The following DLX1 variants were observed in gnomAD, a reference collection of about 807,000 sequenced individuals.
The protein encoded by DLX1 is homeobox protein DLX-1.
DLX1 carries 7 observed loss-of-function variants against 25.0 expected under a neutral mutation model. The ratio of observed to expected loss-of-function variants is 0.28; its 90% CI spans 0.16 to 0.52. The LOEUF (loss-of-function observed/expected upper bound fraction) is 0.52. DLX1 is among the 20% of genes least tolerant of loss of function. The probability of loss-of-function intolerance (pLI) is 0.96; values close to 1 mark genes in which losing one functional copy is unlikely to be tolerated. For synonymous variants in DLX1, 155 were observed against 140.3 expected (o/e 1.10, Z -0.74); for missense variants, 233 against 334.4 (o/e 0.70, Z 2.37).
Position 172,085,772 on chromosome 2 carries a change from C to A in DLX1, c.95C>A (p.Pro32His). The A allele has an allele frequency of 6.2e-7, 1 of 1,614,204 alleles. No homozygotes were observed. The highest frequency in any genetic ancestry group is 1.6e-4 in the Middle Eastern group (1 of 6,062). Residue 32 changes from proline (P) to histidine (H), a missense_variant, in exon 1 of 3, where the codon CCT (proline) becomes CAT (histidine). Pro to His is a moderately conservative substitution (Grantham distance 77, BLOSUM62 -2). Coordinates refer to ENST00000361725, the MANE Select transcript of DLX1 (RefSeq NM_178120.5). The surrounding 1 kb of genome is among the most constrained non-coding windows in gnomAD (Gnocchi z 4.3). ...EFGPPNQQMS[P>H]SPMSHGHYSM... ...GGGCCGCCCAACCAGCAAATGTCTC[C>A]TTCTCCCATGTCCCACGGGCACTAC...
At position 172,088,285 on chromosome 2, in the gene DLX1, C is replaced by T; in HGVS notation, c.*28C>T. The T allele has an allele frequency of 2.1e-6, 3 of 1,433,930 alleles. No homozygotes were observed. The highest frequency in any genetic ancestry group is 2.8e-6 in the Non-Finnish European group (3 of 1,084,746). 88.8% of individuals were successfully genotyped at this position (1,433,930 alleles called of 1,614,324 possible). ...TTGCCCGCCCGTCTCCTTCTTGTCT[C>T]CCCGGCCCAGGTCCCTCCCGCCTCC... On this transcript the variant is annotated 3_prime_UTR_variant, in exon 3 of 3. Coordinates refer to ENST00000361725, the MANE Select transcript of DLX1 (RefSeq NM_178120.5).
chr2:172,086,676 G>A lies in DLX1; in HGVS notation c.336G>A (p.Thr112=). Residue 112 remains threonine, a synonymous_variant, in exon 2 of 3, where the codon ACG becomes ACA. Coordinates refer to ENST00000361725, the MANE Select transcript of DLX1 (RefSeq NM_178120.5). Reference sequence around the variant, plus strand: ...CAGGGGCGGACTCGGAGAAGAGCACGGTGGTGGAAGGCGGTGAAGTGCGCT... The same window carrying A: ...CAGGGGCGGACTCGGAGAAGAGCACAGTGGTGGAAGGCGGTGAAGTGCGCT... ...EDPGADSEKS[T]VVEGGEVRFN... is the part of the protein sequence containing the mutation. The A allele has an allele frequency of 1.3e-6, 2 of 1,546,228 alleles. No individual in the cohort carries two copies. Among genetic ancestry groups the A allele is most frequent in the Non-Finnish European group, 1.7e-6 (2 of 1,145,304 alleles).
Position 172,086,745 on chromosome 2 carries a change from T to A in DLX1, c.405T>A (p.Tyr135Ter). Residue 135 changes from tyrosine (Y) to a stop codon, truncating the protein, a stop_gained, in exon 2 of 3, where the codon TAT (tyrosine) becomes TAA (stop). Transcript: ENST00000361725. LOFTEE classifies it high-confidence loss of function. Reference sequence around the variant, plus strand: ...AGATCCGTAAACCCAGGACGATTTATTCCAGTTTGCAGTTGCAGGCTTTGA... The same window carrying A: ...AGATCCGTAAACCCAGGACGATTTAATCCAGTTTGCAGTTGCAGGCTTTGA... ...GKKIRKPRTI[Y>*]SSLQLQALNR... is the part of the protein sequence containing the mutation. 6.2e-7 allele frequency: 1 copy of A among 1,608,114 alleles called. No individual in the cohort carries two copies. Among genetic ancestry groups the A allele is most frequent in the East Asian group, 2.2e-5 (1 of 44,776 alleles).
chr2:172,086,656 G>C lies in DLX1; in HGVS notation c.316G>C (p.Ala106Pro), dbSNP rs756053801. The change falls in exon 2 of 3, where the codon GCG becomes CCG. Residue 106 changes from alanine to proline, a missense_variant and splice_region_variant. Transcript: ENST00000361725. Reference protein sequence around the residue: ...LAQSRLEDPGADSEKSTVVEG... With the variant: ...LAQSRLEDPGPDSEKSTVVEG... ...CCCTACTTCTGCTGTCCCTCCAGGGGCGGACTCGGAGAAGAGCACGGTGGT... is the reference window on the plus strand; with the variant it reads ...CCCTACTTCTGCTGTCCCTCCAGGGCCGGACTCGGAGAAGAGCACGGTGGT... 7 of 1,530,372 alleles carry C rather than the reference G, an allele frequency of 4.6e-6. No homozygotes were observed. The highest frequency in any genetic ancestry group is 1.8e-4 in the Middle Eastern group (1 of 5,666). The allele number at this position is 1,530,372 out of a possible 1,614,324, so 94.8% of individuals were successfully genotyped here.
At chr2:172,087,977 A>G in intron 2 of DLX1, 26 bp from the exon 3 acceptor site, 1 of 1,504,276 alleles carries the variant, frequency 6.6e-7, no homozygotes, top group Non-Finnish European at 8.9e-7. Context: ...TCCCAGCCTG[A>G]GTCACGTTGT....
intron 1 of DLX1, 119 bp from the exon 2 acceptor site, chr2:172,086,535 T>G (rs899066864): frequency 8.1e-5 from 83 of 1,023,272 alleles, no homozygotes; most frequent in Non-Finnish European, 2.5e-5. Context: ...CAGAGTTTCT[T>G]GAACGTTCTC....
chr2:172,086,479 G>A, intron 1 of DLX1, 175 bp from the exon 2 acceptor site: 1 of 618,978 alleles, frequency 1.6e-6, no homozygotes, highest in Non-Finnish European at 2.7e-6. Flanking sequence ...CTCCTGCAGC[G>A]TCCCGGGACA....
At chr2:172,087,023 C>G in intron 2 of DLX1, 170 bp downstream of exon 2, 1 of 762,430 alleles carries the variant, frequency 1.3e-6, no homozygotes, top group East Asian at 2.7e-5. Context: ...ATTCCCTCTG[C>G]CCTAGCTCTG....
chr2:172,085,695 G>C lies in DLX1; in HGVS notation c.18G>C (p.Met6Ile). The C allele has an allele frequency of 6.2e-7, 1 of 1,613,886 alleles. No homozygotes were observed. Among genetic ancestry groups the C allele is most frequent in the Non-Finnish European group, 8.5e-7 (1 of 1,179,870 alleles). ...GAGAAGAGATGACCATGACCACCAT[G>C]CCAGAAAGTCTCAACAGCCCCGTGT... MTMTT[M>I]PESLNSPVSG... Residue 6 changes from methionine to isoleucine, a missense_variant, in exon 1 of 3, where the codon ATG becomes ATC. Met to Ile is a conservative substitution (Grantham distance 10). Around this residue, in one of 3 missense-constraint regions of DLX1, gnomAD observed 126 missense variants for 170.4 expected, o/e 0.74. Coordinates refer to ENST00000361725, the MANE Select transcript of DLX1 (RefSeq NM_178120.5). The surrounding 1 kb of genome is among the most constrained non-coding windows in gnomAD (Gnocchi z 4.3).
At position 172,085,778 on chromosome 2, in the gene DLX1, C is replaced by T. The variant is rs1168453209; in HGVS notation, c.101C>T (p.Pro34Leu). Residue 34 changes from proline to leucine, a missense_variant, in exon 1 of 3, where the codon CCC becomes CTC. Pro to Leu is a moderately conservative substitution (Grantham distance 98). Around this residue, in one of 3 missense-constraint regions of DLX1, gnomAD observed 126 missense variants for 170.4 expected, o/e 0.74. Coordinates refer to ENST00000361725, the MANE Select transcript of DLX1 (RefSeq NM_178120.5). The surrounding 1 kb of genome is among the most constrained non-coding windows in gnomAD (Gnocchi z 4.3). ...CCCAACCAGCAAATGTCTCCTTCTCCCATGTCCCACGGGCACTACTCCATG... is the reference window on the plus strand; with the variant it reads ...CCCAACCAGCAAATGTCTCCTTCTCTCATGTCCCACGGGCACTACTCCATG... ...GPPNQQMSPSPMSHGHYSMHC... is the reference protein window; with the variant it reads ...GPPNQQMSPSLMSHGHYSMHC... 1.2e-6 allele frequency: 2 copies of T among 1,614,210 alleles called. No individual in the cohort carries two copies. The highest frequency in any genetic ancestry group is 2.2e-5 in the East Asian group (1 of 44,872).
At position 172,085,871 on chromosome 2, in the gene DLX1, G is replaced by C. The variant is rs1445372863; in HGVS notation, c.194G>C (p.Arg65Pro). The C allele has an allele frequency of 6.2e-7, 1 of 1,614,160 alleles. No individual in the cohort carries two copies. The highest frequency in any genetic ancestry group is 8.5e-7 in the Non-Finnish European group (1 of 1,180,032). The change falls in exon 1 of 3, where the codon CGA becomes CCA. Residue 65 changes from arginine to proline, a missense_variant. Coordinates refer to ENST00000361725, the MANE Select transcript of DLX1 (RefSeq NM_178120.5). This position sits in a 1 kb window ranked among gnomAD's most constrained non-coding sequence, Gnocchi z 4.3. ...TACAGCTCAGCCTCGTCCTTCTCCC[G>C]ACCGCTGGGCTACCCCTACGTCAAC... ...GAYSSASSFS[R>P]PLGYPYVNSV...
chr2:172,086,029 C>A, intron 1 of DLX1, 39 bp downstream of exon 1: 1 of 1,522,892 alleles, frequency 6.6e-7, no homozygotes. Flanking sequence ...GGAGGAGGTA[C>A]AAGGGAGAGA....
Position 172,088,414 on chromosome 2 carries a change from C to A in DLX1, c.*157C>A. ...CGGAGCCCCGCGAGGTCCGGCCCAG[C>A]AACTTCCCGGCATCCGCGCTCTAGC... On this transcript the variant is annotated 3_prime_UTR_variant, in exon 3 of 3. Coordinates refer to ENST00000361725, the MANE Select transcript of DLX1 (RefSeq NM_178120.5). 1 of 1,005,026 alleles carries A rather than the reference C, an allele frequency of 9.9e-7. No individual in the cohort carries two copies. Among genetic ancestry groups the A allele is most frequent in the Non-Finnish European group, 1.3e-6 (1 of 754,014 alleles). 62.3% of individuals were successfully genotyped at this position (1,005,026 alleles called of 1,614,324 possible).
At chr2:172,086,432 A>G (rs1690840167) in intron 1 of DLX1, 1 of 493,656 alleles carries the variant, frequency 2.0e-6, no homozygotes, top group Admixed American at 3.8e-5. Flanking sequence ...CTTTCCCTGC[A>G]AAGGCAGGAG....
intron 1 of DLX1, chr2:172,086,266 G>T (rs959721101): frequency 3.8e-6 from 2 of 528,890 alleles, no homozygotes; most frequent in Admixed American, 7.1e-5. Context: ...TGGGCCTCTG[G>T]GCGGCTCGGT....
Position 172,088,032 on chromosome 2 carries a change from C to T in DLX1, c.543C>T (p.Ser181=). 1 of 1,519,630 alleles carries T rather than the reference C, an allele frequency of 6.6e-7. No individual in the cohort carries two copies. Among genetic ancestry groups the T allele is most frequent in the African/African-American group, 1.4e-5 (1 of 71,424 alleles). 94.1% of individuals were successfully genotyped at this position (1,519,630 alleles called of 1,614,324 possible). Residue 181 remains serine (S), a synonymous_variant, in exon 3 of 3, where the codon TCC becomes TCT. Coordinates refer to ENST00000361725, the MANE Select transcript of DLX1 (RefSeq NM_178120.5). ...QVKIWFQNKR[S]KFKKLMKQGG... is the part of the protein sequence containing the mutation. ...AGATCTGGTTCCAAAACAAGCGATC[C>T]AAGTTCAAGAAGCTGATGAAGCAGG...
At position 172,088,270 on chromosome 2, in the gene DLX1, GT is replaced by G. The variant is rs776207917; in HGVS notation, c.*14del. The G allele has an allele frequency of 3.5e-6, 5 of 1,448,062 alleles. No individual in the cohort carries two copies. The Admixed American group carries it at 7.3e-5, about 21-fold the overall frequency. 89.7% of individuals were successfully genotyped at this position (1,448,062 alleles called of 1,614,324 possible). A position where few individuals can be genotyped will look rare whatever the true frequency, so the allele number is the denominator to read the frequency against. Reference sequence around the variant, plus strand: ...CCAACTTATGTGAGGTTGCCCGCCCGTCTCCTTCTTGTCTCCCCGGCCCAGG... The same window carrying G: ...CCAACTTATGTGAGGTTGCCCGCCCGCTCCTTCTTGTCTCCCCGGCCCAGG... On this transcript the variant is annotated 3_prime_UTR_variant, in exon 3 of 3. Coordinates refer to ENST00000361725, the MANE Select transcript of DLX1 (RefSeq NM_178120.5).
chr2:172,088,779 G>T lies in DLX1; in HGVS notation c.*522G>T, dbSNP rs572454360. On this transcript the variant is annotated 3_prime_UTR_variant, in exon 3 of 3. Transcript: ENST00000361725. ...CGGGCTGACCATCTCCGGATCCTGG[G>T]ACACTCTGCCTGACCATCTGTGTAG... is the stretch of plus-strand genomic sequence containing the variant. The T allele has an allele frequency of 1.4e-3, 213 of 152,968 alleles. 1 individual carries two copies. The highest frequency in any genetic ancestry group is 2.6e-3 in the Non-Finnish European group (175 of 68,192). The allele number at this position is 152,968 out of a possible 1,614,324, so 9.5% of individuals were successfully genotyped here.
In DLX1 at chr2:172,086,096, G is replaced by A. The variant is rs562666252; in HGVS notation, c.313+106G>A. ...GGAGAGAGAGAGAAAGAGAAGAGAG[G>A]AGAGCGAGGTGGGGTGGGGGTGGGG... On this transcript the variant is annotated intron_variant, in intron 1 of 2. Transcript: ENST00000361725. The A allele has an allele frequency of 2.0e-5, 11 of 543,330 alleles. No individual in the cohort carries two copies. In the Admixed American group the frequency reaches 2.4e-4, roughly 12 times the overall value. The allele number at this position is 543,330 out of a possible 1,614,324, so 33.7% of individuals were successfully genotyped here.
Sources: allele counts gnomAD v4.1 joint callset, GRCh38; gene constraint gnomAD v4.1.1; regional missense constraint gnomAD v4.1.1; non-coding constraint Gnocchi (gnomAD v3.1); transcripts MANE v1.5; gene names NCBI Gene and HGNC (gene_info 2026-07-23, HGNC 2026-07-21).